Variants in OSBPL10 observed in about 807,000 individuals in gnomAD.
The protein encoded by OSBPL10 is oxysterol binding protein like 10.
Under a neutral mutation model 81.7 loss-of-function variants are expected in OSBPL10, and 49 were observed. The ratio of observed to expected loss-of-function variants is 0.60; its 90% CI spans 0.48 to 0.76. OSBPL10 has a LOEUF of 0.76. Among genes scored for constraint, OSBPL10 ranks in the 30% least tolerant of loss-of-function variants. The pLI is 0.00. For missense variants in OSBPL10, 923 were observed against 987.8 expected, an observed-to-expected ratio of 0.93 and a Z score of 0.88; for synonymous variants, 419 against 383.6, an observed-to-expected ratio of 1.09 and a Z score of -1.08.
At chr3:31,807,572 CAAA>C (rs35786919) in intron 4 of OSBPL10, among the ~76,000 whole-genome samples, 3 of 108,450 alleles carry the variant, frequency 2.8e-5, no homozygotes, top group Non-Finnish European at 3.9e-5. Context: ...CACATCTCTA[CAAA>C]AAAAAAAAAA....
intron 1 of OSBPL10, among the ~76,000 whole-genome samples, chr3:31,951,998 C>A (rs1383059362): frequency 6.6e-6 from 1 of 152,188 alleles, no homozygotes; most frequent in East Asian, 1.9e-4. Flanking sequence ...CTACTATAAT[C>A]TGTGCCTTCC....
intron 4 of OSBPL10, among the ~76,000 whole-genome samples, chr3:31,829,630 G>C (rs1204629020): frequency 6.6e-6 from 1 of 152,132 alleles, no homozygotes; most frequent in Non-Finnish European, 1.5e-5. Context: ...GGAGAGGAGA[G>C]AAAGAAAGTG....
Position 31,928,762 on chromosome 3 carries a change from C to CCAAA in OSBPL10, c.282-48933_282-48932insTTTG, listed in dbSNP as rs768296819. Among the ~76,000 whole-genome samples, 36 of 95,090 alleles carry CCAAA rather than the reference C, an allele frequency of 3.8e-4. 2 individuals are homozygous for CCAAA. In the East Asian group the frequency reaches 3.9e-3, roughly 10 times the overall value. 62.4% of individuals were successfully genotyped at this position (95,090 alleles called of 152,430 possible). On this transcript the variant is annotated intron_variant, in intron 1 of 11. Transcript: ENST00000396556. ...TCTGGGCGACAGTGAGACTTGTCTC[C>CCAAA]AAAAAAAAAAAAAAAAAAAGAATGC...
At position 31,944,833 on chromosome 3, in the gene OSBPL10, T is replaced by TA. The variant is rs869140991; in HGVS notation, c.281+36065dup. Among the ~76,000 whole-genome samples, 130 of 55,106 alleles carry TA rather than the reference T, an allele frequency of 2.4e-3. 14 individuals are homozygous for TA. The highest frequency in any genetic ancestry group is 4.1e-3 in the Non-Finnish European group (101 of 24,786). The allele number at this position is 55,106 out of a possible 152,430, so 36.2% of individuals were successfully genotyped here. A position where few individuals can be genotyped will look rare whatever the true frequency, so the allele number is the denominator to read the frequency against. ...GCAACAGAGCAAGACCCCCTCTCTT[T>TA]AAAAAAAAAAAAAAAAAAAAAAAAA... On this transcript the variant is annotated intron_variant, in intron 1 of 11. Transcript: ENST00000396556.
intron 2 of OSBPL10, among the ~76,000 whole-genome samples, chr3:32,013,402 C>A (rs954544085): frequency 6.6e-6 from 1 of 152,016 alleles, no homozygotes; most frequent in African/African-American, 2.4e-5. Context: ...CCAACGAGAA[C>A]AAAGACACAA....
At chr3:32,050,294 T>C (rs1359070105) in intron 1 of OSBPL10, among the ~76,000 whole-genome samples, 5 of 152,232 alleles carry the variant, frequency 3.3e-5, no homozygotes, top group African/African-American at 1.2e-4. Flanking sequence ...TGCTGTAGCT[T>C]AGTAGCTAAG....
intron 2 of OSBPL10, among the ~76,000 whole-genome samples, chr3:31,999,407 C>G (rs945612102): frequency 1.3e-4 from 18 of 141,212 alleles, no homozygotes; most frequent in African/African-American, 4.6e-4. Flanking sequence ...GTTGCCCAGG[C>G]TGGAGTACAA....
chr3:31,675,762 G>A (rs1289258835), intron 8 of OSBPL10, among the ~76,000 whole-genome samples: 1 of 106,706 alleles, frequency 9.4e-6, no homozygotes, highest in Non-Finnish European at 1.7e-5. Context: ...TGGCTAACAT[G>A]GTAAAACCCC....
At chr3:31,908,065 G>A (rs1696465253) in intron 1 of OSBPL10, among the ~76,000 whole-genome samples, 1 of 152,114 alleles carries the variant, frequency 6.6e-6, no homozygotes. Context: ...AAGCATGGTG[G>A]CGGTAAAAAT....
chr3:31,698,459 A>C (rs756753028), intron 7 of OSBPL10, among the ~76,000 whole-genome samples: 1 of 146,206 alleles, frequency 6.8e-6, no homozygotes, highest in African/African-American at 2.5e-5. Flanking sequence ...TCAAAAATAT[A>C]AAATAAAAAT....
At chr3:31,972,081 A>G (rs528128223) in intron 1 of OSBPL10, among the ~76,000 whole-genome samples, 1 of 152,318 alleles carries the variant, frequency 6.6e-6, no homozygotes, top group Non-Finnish European at 1.5e-5. Flanking sequence ...CACCTCACTC[A>G]GGGCTTAGAA....
chr3:31,670,311 G>T (rs943539133), intron 9 of OSBPL10, among the ~76,000 whole-genome samples: 1 of 152,224 alleles, frequency 6.6e-6, no homozygotes, highest in Admixed American at 6.5e-5. Flanking sequence ...AAACAATTTT[G>T]TGCTTCCTCA....
intron 3 of OSBPL10, among the ~76,000 whole-genome samples, chr3:31,834,889 T>C (rs1459895896): frequency 6.6e-6 from 1 of 152,176 alleles, no homozygotes; most frequent in Non-Finnish European, 1.5e-5. Context: ...TTGCAAGCTG[T>C]GTAACCTAGA....
chr3:31,793,069 TATTA>T (rs995090676), intron 4 of OSBPL10, among the ~76,000 whole-genome samples: 35 of 152,252 alleles, frequency 2.3e-4, no homozygotes, highest in African/African-American at 7.7e-4. Flanking sequence ...AAAAAATATC[TATTA>T]ATTTAGCCCA....
chr3:31,962,388 T>G (rs1466090087), intron 1 of OSBPL10, among the ~76,000 whole-genome samples: 1 of 152,198 alleles, frequency 6.6e-6, no homozygotes, highest in Non-Finnish European at 1.5e-5. Flanking sequence ...AGTTTCAATT[T>G]GGGATGATAA....
intron 2 of OSBPL10, among the ~76,000 whole-genome samples, chr3:31,999,422 A>C (rs1247839262): frequency 2.1e-5 from 3 of 143,898 alleles, no homozygotes; most frequent in Non-Finnish European, 4.5e-5. Flanking sequence ...GTACAATGGC[A>C]CAATCTCGGC....
intron 4 of OSBPL10, among the ~76,000 whole-genome samples, chr3:31,828,767 A>G (rs1700160226): frequency 6.6e-6 from 1 of 152,156 alleles, no homozygotes; most frequent in Non-Finnish European, 1.5e-5. Flanking sequence ...TCCTGACCTC[A>G]AGTGATCCAC....
intron 8 of OSBPL10, among the ~76,000 whole-genome samples, chr3:31,675,768 AC>A (rs5847708): frequency 0.49 from 74,812 of 151,232 alleles, 21,211 homozygotes; most frequent in African/African-American, 0.78. Context: ...ACATGGTAAA[AC>A]CCCCATCTCT....
intron 3 of OSBPL10, among the ~76,000 whole-genome samples, chr3:31,868,198 A>G (rs947831272): frequency 2.6e-5 from 4 of 152,138 alleles, no homozygotes; most frequent in African/African-American, 9.7e-5. Context: ...GTCTGGGGTG[A>G]CCTTTTGAAA....
Sources: gnomAD v4.1 joint callset for allele counts (sites outside exome capture counted in the v4.1 genomes callset) on GRCh38, gnomAD v4.1.1 for gene constraint, MANE v1.5 for transcripts, NCBI Gene and HGNC (gene_info 2026-07-23, HGNC 2026-07-21) for gene names.